The following AMBRA1 variants were observed in gnomAD, a reference collection of about 807,000 sequenced individuals.
AMBRA1 encodes autophagy and beclin 1 regulator 1.
In AMBRA1, 47 loss-of-function variants were observed where a neutral mutation model predicts 125.4. The observed-to-expected ratio is 0.37, with a 90% confidence interval of 0.30 to 0.48. The LOEUF is 0.48. AMBRA1 is among the 20% of genes least tolerant of loss of function. The pLI, the probability that AMBRA1 is intolerant of heterozygous loss-of-function variation, is 0.99. For synonymous variants in AMBRA1, 626 were observed against 655.5 expected (o/e 0.95, Z 0.69); for missense variants, 1,331 against 1,693.4 (o/e 0.79, Z 3.76).
chr11:46,581,505 G>C (rs1243483564), intron 1 of AMBRA1, among the ~76,000 whole-genome samples: 1 of 152,108 alleles, frequency 6.6e-6, no homozygotes, highest in Non-Finnish European at 1.5e-5. Context: ...TACTTGGGAG[G>C]CTAAGGCAGG....
chr11:46,461,387 T>C (rs942467895), intron 11 of AMBRA1, among the ~76,000 whole-genome samples: 2 of 152,244 alleles, frequency 1.3e-5, no homozygotes, highest in Admixed American at 1.3e-4. Flanking sequence ...GTATAGATAC[T>C]ACTCTAAAAT....
chr11:46,549,308 G>A (rs1446849670), intron 1 of AMBRA1, among the ~76,000 whole-genome samples: 1 of 152,170 alleles, frequency 6.6e-6, no homozygotes, highest in African/African-American at 2.4e-5. Flanking sequence ...TATCCACTGT[G>A]ACATTGTTTC....
chr11:46,435,837 A>G (rs1044791108), intron 12 of AMBRA1, among the ~76,000 whole-genome samples: 1 of 152,260 alleles, frequency 6.6e-6, no homozygotes, highest in East Asian at 1.9e-4. Context: ...CACTCCACAC[A>G]ACAGCACCAA....
chr11:46,449,582 T>C (rs1402875334), intron 11 of AMBRA1, among the ~76,000 whole-genome samples: 50 of 152,202 alleles, frequency 3.3e-4, no homozygotes, highest in Non-Finnish European at 5.9e-5. Flanking sequence ...CTCAGTACTG[T>C]TACAATGTCA....
intron 7 of AMBRA1, among the ~76,000 whole-genome samples, chr11:46,519,308 G>A (rs895051922): frequency 2.6e-5 from 4 of 152,056 alleles, no homozygotes; most frequent in South Asian, 2.1e-4. Flanking sequence ...ACAGGCATGC[G>A]CCACCATGCC....
At position 46,481,512 on chromosome 11, in the gene AMBRA1, C is replaced by T. The variant is rs561125542; in HGVS notation, c.2521+12096G>A. On this transcript the variant is annotated intron_variant, in intron 11 of 17. Transcript: ENST00000683756. ...CTGAGTAGCTGGGATTACAGGCATGCGTCACCATGCCTGGCTAATTTTATA... is the reference window on the plus strand; with the variant it reads ...CTGAGTAGCTGGGATTACAGGCATGTGTCACCATGCCTGGCTAATTTTATA... Among the ~76,000 whole-genome samples, 11 of 152,160 alleles carry T rather than the reference C, an allele frequency of 7.2e-5. No individual in the cohort carries two copies. The East Asian group carries it at 1.9e-3, about 27-fold the overall frequency.
At chr11:46,505,469 C>T (rs902799540) in intron 9 of AMBRA1, among the ~76,000 whole-genome samples, 1 of 152,098 alleles carries the variant, frequency 6.6e-6, no homozygotes, top group Non-Finnish European at 1.5e-5. Context: ...TAATCCACAG[C>T]TGCTATTAAA....
chr11:46,535,306 T>C (rs1471514786), intron 7 of AMBRA1, among the ~76,000 whole-genome samples: 1 of 152,170 alleles, frequency 6.6e-6, no homozygotes, highest in Admixed American at 6.6e-5. Context: ...ACACTCCGCA[T>C]AATTAGAGGT....
intron 17 of AMBRA1, among the ~76,000 whole-genome samples, chr11:46,406,398 C>T (rs989880922): frequency 7.2e-6 from 1 of 138,904 alleles, no homozygotes; most frequent in Admixed American, 7.2e-5. Context: ...AAAAAAGGTC[C>T]GGGTGTGGTG....
At chr11:46,441,674 T>C (rs1353804616) in intron 12 of AMBRA1, among the ~76,000 whole-genome samples, 1 of 152,166 alleles carries the variant, frequency 6.6e-6, no homozygotes, top group Non-Finnish European at 1.5e-5. Flanking sequence ...CACTGTACTA[T>C]GTATTCGACA....
At chr11:46,424,083 T>C (rs939815050) in intron 14 of AMBRA1, among the ~76,000 whole-genome samples, 5 of 152,126 alleles carry the variant, frequency 3.3e-5, no homozygotes, top group Admixed American at 2.0e-4. Context: ...ATTTTTAAAG[T>C]GATTATTTAA....
intron 7 of AMBRA1, among the ~76,000 whole-genome samples, chr11:46,521,580 T>C (rs1417572173): frequency 6.6e-6 from 1 of 152,278 alleles, no homozygotes; most frequent in Non-Finnish European, 1.5e-5. Context: ...TAAAAAATAA[T>C]TGTGTGTTCT....
rs755879397 is a variant in AMBRA1, at chr11:46,543,258, G to T, written c.759C>A (p.Gly253=). ...FLHMLSSRSS[G]IQVGEQSTVQ... ...CTGTGCTTTGCTCTCCCACCTGGAT[G>T]CCAGAAGAGCGGGAGGACAGCATGT... The change falls in exon 7 of 18, where the codon GGC becomes GGA. Residue 253 remains glycine (G), a synonymous_variant. Coordinates refer to ENST00000683756, the MANE Select transcript of AMBRA1 (RefSeq NM_001387011.1). The T allele has an allele frequency of 1.2e-6, 2 of 1,613,868 alleles. No individual in the cohort carries two copies.
chr11:46,500,612 A>C (rs1008971270), intron 9 of AMBRA1, among the ~76,000 whole-genome samples: 1 of 152,124 alleles, frequency 6.6e-6, no homozygotes, highest in Non-Finnish European at 1.5e-5. Context: ...GGGCTTTCTG[A>C]TATCTCTCTC....
At chr11:46,509,145 C>T (rs1951169644) in intron 8 of AMBRA1, among the ~76,000 whole-genome samples, 1 of 152,172 alleles carries the variant, frequency 6.6e-6, no homozygotes, top group Admixed American at 6.6e-5. Context: ...AGAGTTGTTC[C>T]TCTTTCTTCT....
chr11:46,410,922 G>A (rs1315460179), intron 15 of AMBRA1, among the ~76,000 whole-genome samples: 1 of 152,150 alleles, frequency 6.6e-6, no homozygotes, highest in African/African-American at 2.4e-5. Flanking sequence ...CCAACATTGT[G>A]AAACCCTGTC....
At chr11:46,577,977 C>T (rs550091941) in intron 1 of AMBRA1, among the ~76,000 whole-genome samples, 9 of 152,032 alleles carry the variant, frequency 5.9e-5, no homozygotes, top group East Asian at 3.9e-4. Flanking sequence ...AAAACAAAAA[C>T]GCTAGAAGCT....
chr11:46,431,556 G>A (rs1947456921), intron 14 of AMBRA1, among the ~76,000 whole-genome samples: 1 of 152,246 alleles, frequency 6.6e-6, no homozygotes, highest in Admixed American at 6.5e-5. Flanking sequence ...GAACTGGCAG[G>A]CTGTGTGCAG....
intron 14 of AMBRA1, among the ~76,000 whole-genome samples, chr11:46,426,010 G>A (rs1227055834): frequency 3.3e-5 from 5 of 151,548 alleles, no homozygotes; most frequent in Non-Finnish European, 4.4e-5. Flanking sequence ...AGCTGGGCGT[G>A]GTGGCGGGCT....
Sources: gnomAD v4.1 joint callset for allele counts (sites outside exome capture counted in the v4.1 genomes callset) on GRCh38, gnomAD v4.1.1 for gene constraint, MANE v1.5 for transcripts, NCBI Gene and HGNC (gene_info 2026-07-23, HGNC 2026-07-21) for gene names.